Variants in KHDRBS2 observed in about 807,000 individuals in gnomAD.
KHDRBS2 encodes the protein KH RNA binding domain containing, signal transduction associated 2.
In KHDRBS2, 26 loss-of-function variants were observed where a neutral mutation model predicts 44.3. The ratio of observed to expected loss-of-function variants is 0.59; its 90% CI spans 0.43 to 0.81. The LOEUF (loss-of-function observed/expected upper bound fraction) is 0.81, where lower values mean the gene tolerates loss of function less well. KHDRBS2 is among the 40% of genes least tolerant of loss of function. The pLI, the probability that KHDRBS2 is intolerant of heterozygous loss-of-function variation, is 0.00. For missense variants in KHDRBS2, 476 were observed against 433.1 expected (o/e 1.10, Z -0.88); for synonymous variants, 194 against 151.1 (o/e 1.28, Z -2.08).
the KHDRBS2 span, among the ~76,000 whole-genome samples, chr6:61,590,701 T>G: frequency 6.6e-6 from 1 of 152,172 alleles, no homozygotes; most frequent in African/African-American, 2.4e-5. Context: ...TAAAGTACAG[T>G]CTATAAGCCA....
At chr6:61,720,347 T>G (rs367659184) in intron 7 of KHDRBS2, among the ~76,000 whole-genome samples, 4 of 152,106 alleles carry the variant, frequency 2.6e-5, no homozygotes, top group Admixed American at 1.3e-4. Flanking sequence ...CCTGAGGAAT[T>G]GCCACACTGA....
intron 2 of KHDRBS2, among the ~76,000 whole-genome samples, chr6:62,128,404 C>A (rs1219214575): frequency 6.6e-6 from 1 of 152,022 alleles, no homozygotes; most frequent in Non-Finnish European, 1.5e-5. Flanking sequence ...GACTGACAGT[C>A]CAAGTATTCA....
intron 2 of KHDRBS2, among the ~76,000 whole-genome samples, chr6:62,123,128 T>C (rs1808090861): frequency 6.6e-6 from 1 of 152,134 alleles, no homozygotes; most frequent in African/African-American, 2.4e-5. Flanking sequence ...AACTCTCACC[T>C]ATGAGTGAGA....
rs539595092 is a variant in KHDRBS2 at position 61,851,546 on chromosome 6, G to T, written c.810+43089C>A. Among the ~76,000 whole-genome samples, 4 of 152,116 alleles carry T rather than the reference G, an allele frequency of 2.6e-5. No homozygotes were observed. The South Asian group carries it at 8.3e-4, about 32-fold the overall frequency. Reference sequence around the variant, plus strand: ...GGTATCATCATAAGAAAAGGAAATCGGGACACAGACAATACATAGACTGAG... The same window carrying T: ...GGTATCATCATAAGAAAAGGAAATCTGGACACAGACAATACATAGACTGAG... On this transcript the variant is annotated intron_variant, in intron 6 of 8. Transcript: ENST00000281156.
intron 6 of KHDRBS2, among the ~76,000 whole-genome samples, chr6:61,792,234 C>T (rs1784730805): frequency 6.6e-6 from 1 of 151,480 alleles, no homozygotes; most frequent in Admixed American, 6.6e-5. Context: ...CCGCTCCTAA[C>T]CTTTGATGCA....
chr6:62,197,922 C>G (rs946755167), intron 1 of KHDRBS2, among the ~76,000 whole-genome samples: 4 of 152,054 alleles, frequency 2.6e-5, no homozygotes, highest in African/African-American at 4.8e-5. Context: ...TACAACTCAG[C>G]ATTAAGAAAC....
chr6:61,830,246 G>A (rs961585389), intron 6 of KHDRBS2, among the ~76,000 whole-genome samples: 1 of 152,148 alleles, frequency 6.6e-6, no homozygotes, highest in African/African-American at 2.4e-5. Context: ...ACTCAGCCTA[G>A]CGAAGTTTTG....
chr6:62,238,007 C>T (rs1833973594), intron 1 of KHDRBS2, among the ~76,000 whole-genome samples: 1 of 147,906 alleles, frequency 6.8e-6, no homozygotes. Context: ...GAGCAGTGAT[C>T]GCACCATTGC....
chr6:62,264,282 G>T (rs764344182), intron 1 of KHDRBS2, among the ~76,000 whole-genome samples: 2 of 151,704 alleles, frequency 1.3e-5, no homozygotes, highest in African/African-American at 4.8e-5. Context: ...ATAATTATCA[G>T]CATTTCAGGC....
chr6:61,895,071 C>A (rs1802699626), intron 5 of KHDRBS2, among the ~76,000 whole-genome samples: 1 of 149,274 alleles, frequency 6.7e-6, no homozygotes, highest in African/African-American at 2.5e-5. Flanking sequence ...TTATAAAAAC[C>A]ATGTAAAATA....
intron 6 of KHDRBS2, among the ~76,000 whole-genome samples, chr6:61,838,038 T>C (rs370941516): frequency 3.9e-4 from 60 of 152,122 alleles, no homozygotes; most frequent in African/African-American, 1.3e-3. Flanking sequence ...TCAGGACTAA[T>C]AAAATAGAAA....
intron 7 of KHDRBS2, among the ~76,000 whole-genome samples, chr6:61,722,909 C>A (rs1039350845): frequency 3.3e-5 from 5 of 152,006 alleles, no homozygotes; most frequent in Non-Finnish European, 5.9e-5. Context: ...TGGGGTTTCA[C>A]CATGTTAGCC....
chr6:62,064,653 C>A (rs1474976322), intron 2 of KHDRBS2, among the ~76,000 whole-genome samples: 1 of 151,666 alleles, frequency 6.6e-6, no homozygotes, highest in Non-Finnish European at 1.5e-5. Flanking sequence ...AAGATTTGAA[C>A]GTTAGACCTA....
At chr6:61,761,834 C>A (rs1401955893) in intron 6 of KHDRBS2, among the ~76,000 whole-genome samples, 1 of 152,024 alleles carries the variant, frequency 6.6e-6, no homozygotes. Flanking sequence ...AATTAGGATG[C>A]CCTGACACCG....
chr6:61,760,360 CA>C (rs1363274024), intron 6 of KHDRBS2, among the ~76,000 whole-genome samples: 2 of 152,152 alleles, frequency 1.3e-5, no homozygotes, highest in African/African-American at 4.8e-5. Flanking sequence ...GGGCTGGATG[CA>C]GTGGCTCATG....
intron 2 of KHDRBS2, among the ~76,000 whole-genome samples, chr6:62,129,082 G>C (rs1215949673): frequency 1.3e-5 from 2 of 151,998 alleles, no homozygotes; most frequent in African/African-American, 4.8e-5. Flanking sequence ...CATATTCAAT[G>C]TATTTATTCC....
rs113146836 is a variant in KHDRBS2, at chr6:62,177,315, G to A, written c.92-3C>T. 3.3e-5 allele frequency: 52 copies of A among 1,582,244 alleles called. 1 individual carries two copies. The African/African-American group carries it at 4.2e-4, about 13-fold the overall frequency. ...AGAACCTTGAAACTTTTCAATTTCTGGAAGAAAATCACAAGAAGAAAACAA... is the reference window on the plus strand; with the variant it reads ...AGAACCTTGAAACTTTTCAATTTCTAGAAGAAAATCACAAGAAGAAAACAA... On this transcript the variant is annotated splice_region_variant and splice_polypyrimidine_tract_variant and intron_variant, in intron 1 of 8. Transcript: ENST00000281156.
At chr6:61,856,337 T>C (rs1383364704) in intron 6 of KHDRBS2, among the ~76,000 whole-genome samples, 1 of 152,142 alleles carries the variant, frequency 6.6e-6, no homozygotes, top group Admixed American at 6.6e-5. Context: ...CTGGCTATTA[T>C]ATTACCCTGA....
intron 2 of KHDRBS2, among the ~76,000 whole-genome samples, chr6:62,124,620 C>CACACA (rs1554419844): frequency 2.0e-5 from 3 of 149,926 alleles, no homozygotes; most frequent in Non-Finnish European, 3.0e-5. Flanking sequence ...CACACACACA[C>CACACA]CACCTTTATC....
Sources: gnomAD v4.1 joint callset for allele counts (sites outside exome capture counted in the v4.1 genomes callset) on GRCh38, gnomAD v4.1.1 for gene constraint, MANE v1.5 for transcripts, NCBI Gene and HGNC (gene_info 2026-07-23, HGNC 2026-07-21) for gene names.